Variants in ZNF660 observed in about 807,000 individuals in gnomAD.
ZNF660 encodes the protein zinc finger protein 660.
ZNF660 carries 24 observed loss-of-function variants against 23.2 expected under a neutral mutation model. That is an observed-to-expected ratio of 1.04 (90% CI 0.75 to 1.46). ZNF660 has a LOEUF of 1.46. Among genes scored for constraint, ZNF660 ranks in the 40% most tolerant of loss-of-function variants. ZNF660 has a pLI of 0.00. For synonymous variants in ZNF660, 117 were observed against 131.4 expected (o/e 0.89, Z 0.75); for missense variants, 373 against 396.8 (o/e 0.94, Z 0.51).
rs192714831 is a variant in ZNF660 at position 44,585,706 on chromosome 3, C to T, written c.-289-399C>T. On this transcript the variant is annotated intron_variant, in intron 1 of 2. Transcript: ENST00000322734. ...GTTTCTTTCTGTCTTCCTAAAGACA[C>T]TTGACTCAGCAAAGTTCTCCCTCTC... Among the ~76,000 whole-genome samples, 108 of 152,256 alleles carry T rather than the reference C, an allele frequency of 7.1e-4. 1 individual carries two copies. Among genetic ancestry groups the T allele is most frequent in the Non-Finnish European group, 1.3e-3 (90 of 68,010 alleles).
Position 44,595,899 on chromosome 3 carries a change from AGAC to A in ZNF660, c.*711_*713del. The A allele has an allele frequency of 6.0e-6, 1 of 167,208 alleles. No homozygotes were observed. The allele number at this position is 167,208 out of a possible 1,614,324, so 10.4% of individuals were successfully genotyped here. A position where few individuals can be genotyped will look rare whatever the true frequency, so the allele number is the denominator to read the frequency against. On this transcript the variant is annotated 3_prime_UTR_variant, in exon 3 of 3. Transcript: ENST00000322734. ...CGATCCTTTGTCCTTTTTAGTTTTA[AGAC>A]AAGCTGACTTTAGAGTTGTCAACAA...
In ZNF660 at chr3:44,594,008, T is replaced by C. The variant is rs1700523476; in HGVS notation, c.-180-6T>C. On this transcript the variant is annotated splice_polypyrimidine_tract_variant and splice_region_variant and intron_variant, in intron 2 of 2. Transcript: ENST00000322734. ...TGACATGTGCAATTTCTGTTTCTCC[T>C]GTCAGATGGTGAAACTGGGACTGAG... 1 of 750,168 alleles carries C rather than the reference T, an allele frequency of 1.3e-6. No homozygotes were observed. Among genetic ancestry groups the C allele is most frequent in the East Asian group, 2.8e-5 (1 of 35,798 alleles). 46.5% of individuals were successfully genotyped at this position (750,168 alleles called of 1,614,324 possible). A position where few individuals can be genotyped will look rare whatever the true frequency, so the allele number is the denominator to read the frequency against.
rs1480596005 is a variant in ZNF660, at chr3:44,598,835, A to G, written c.*3646A>G. The G allele has an allele frequency of 6.6e-6, 1 of 152,122 alleles. No individual in the cohort carries two copies. The highest frequency in any genetic ancestry group is 1.5e-5 in the Non-Finnish European group (1 of 68,084). 9.4% of individuals were successfully genotyped at this position (152,122 alleles called of 1,614,324 possible). ...TACTGCCATTTCTTCTCTCTTCTCC[A>G]TCAGAAACTTAGCTCTAATCAGTCA... On this transcript the variant is annotated 3_prime_UTR_variant, in exon 3 of 3. Coordinates refer to ENST00000322734, the MANE Select transcript of ZNF660 (RefSeq NM_173658.4).
At position 44,592,934 on chromosome 3, in the gene ZNF660, C is replaced by G. The variant is rs569643210; in HGVS notation, c.-180-1080C>G. On this transcript the variant is annotated intron_variant, in intron 2 of 2. Transcript: ENST00000322734. ...CAGGCGTGGTGGCGGGCGCCTGTAG[C>G]CCCAGCCACTCGGGAGGCTGAAGCA... Among the ~76,000 whole-genome samples, 959 of 152,054 alleles carry G rather than the reference C, an allele frequency of 6.3e-3. 5 individuals are homozygous for G. The highest frequency in any genetic ancestry group is 0.022 in the African/African-American group (924 of 41,460).
At chr3:44,589,672 G>A (rs1473684014) in intron 2 of ZNF660, among the ~76,000 whole-genome samples, 1 of 152,174 alleles carries the variant, frequency 6.6e-6, no homozygotes, top group Non-Finnish European at 1.5e-5. Flanking sequence ...GAAAATTAAG[G>A]ATAGATTTCA....
rs1191538295 is a variant in ZNF660, at chr3:44,594,896, G to C, written c.703G>C (p.Glu235Gln). 2 of 1,614,012 alleles carry C rather than the reference G, an allele frequency of 1.2e-6. No homozygotes were observed. The highest frequency in any genetic ancestry group is 1.7e-5 in the Admixed American group (1 of 60,022). The change falls in exon 3 of 3, where the codon GAA becomes CAA. Residue 235 changes from glutamate to glutamine, a missense_variant. Physicochemically the swap from Glu to Gln is conservative, Grantham distance 29. Coordinates refer to ENST00000322734, the MANE Select transcript of ZNF660 (RefSeq NM_173658.4). The part of the protein sequence containing the change: ...KTFILRKTLN[E>Q]HQRLHRREKP... ...TTTCATCTTAAGGAAAACTCTTAATGAACACCAGAGACTTCATCGTAGAGA... is the reference window on the plus strand; with the variant it reads ...TTTCATCTTAAGGAAAACTCTTAATCAACACCAGAGACTTCATCGTAGAGA...
Position 44,596,962 on chromosome 3 carries a change from A to G in ZNF660, c.*1773A>G, listed in dbSNP as rs1441946890. Reference sequence around the variant, plus strand: ...ACTCTGAAACACTTAGAATCTCCCTATTTTTAACTCAGCCATTCCTCTGTG... The same window carrying G: ...ACTCTGAAACACTTAGAATCTCCCTGTTTTTAACTCAGCCATTCCTCTGTG... On this transcript the variant is annotated 3_prime_UTR_variant, in exon 3 of 3. Transcript: ENST00000322734. 3 of 152,180 alleles carry G rather than the reference A, an allele frequency of 2.0e-5. No homozygotes were observed. The highest frequency in any genetic ancestry group is 1.3e-4 in the Admixed American group (2 of 15,272). 9.4% of individuals were successfully genotyped at this position (152,180 alleles called of 1,614,324 possible).
chr3:44,587,005 GTCAGATATA>G (rs1700245240), intron 2 of ZNF660: 1 of 152,148 alleles, frequency 6.6e-6, no homozygotes, highest in Non-Finnish European at 1.5e-5. Context: ...ATTTTTATGT[GTCAGATATA>G]TCAGCTTTTT....
rs1336840515 is a variant in ZNF660 at position 44,597,453 on chromosome 3, G to A, written c.*2264G>A. On this transcript the variant is annotated 3_prime_UTR_variant, in exon 3 of 3. Coordinates refer to ENST00000322734, the MANE Select transcript of ZNF660 (RefSeq NM_173658.4). This position sits in a 1 kb window ranked among gnomAD's most constrained non-coding sequence, Gnocchi z 4.1. ...AAGAAAGAAGTGAAGGGTGAAGGTT[G>A]TATATTTGTGTGAAAAAAAATTACT... 1 of 152,032 alleles carries A rather than the reference G, an allele frequency of 6.6e-6. No individual in the cohort carries two copies. The highest frequency in any genetic ancestry group is 1.9e-4 in the East Asian group (1 of 5,184). 9.4% of individuals were successfully genotyped at this position (152,032 alleles called of 1,614,324 possible).
At chr3:44,589,741 T>C (rs1012190856) in intron 2 of ZNF660, among the ~76,000 whole-genome samples, 3 of 152,226 alleles carry the variant, frequency 2.0e-5, no homozygotes, top group African/African-American at 7.2e-5. Flanking sequence ...ATTTTTCATC[T>C]TGTAATTTCA....
chr3:44,596,082 AAC>A lies in ZNF660; in HGVS notation c.*895_*896del, dbSNP rs1433135710. The A allele has an allele frequency of 6.0e-6, 1 of 166,658 alleles. No homozygotes were observed. 10.3% of individuals were successfully genotyped at this position (166,658 alleles called of 1,614,324 possible). ...CACAACCAGAAAAAAATGAAATTGA[AAC>A]AACTGTAGACTCAAAAACTTCAGAT... On this transcript the variant is annotated 3_prime_UTR_variant, in exon 3 of 3. Transcript: ENST00000322734.
rs372659715 is a variant in ZNF660, at chr3:44,594,494, A to G, written c.301A>G (p.Thr101Ala). The G allele has an allele frequency of 1.1e-5, 17 of 1,614,096 alleles. No individual in the cohort carries two copies. Among genetic ancestry groups the G allele is most frequent in the Non-Finnish European group, 1.4e-5 (17 of 1,180,038 alleles). ...CCTTGTTGTTCATCGGAGAATCCAC[A>G]CTGGACTGAAGCCCTATACATGCAG... is the stretch of plus-strand genomic sequence containing the variant. ...SNLVVHRRIH[T>A]GLKPYTCSEC... The change falls in exon 3 of 3, where the codon ACT (threonine) becomes GCT (alanine). Residue 101 changes from threonine (T) to alanine (A), a missense_variant. Physicochemically the swap from Thr to Ala is moderately conservative, Grantham distance 58 (BLOSUM62 0). Transcript: ENST00000322734.
Position 44,598,567 on chromosome 3 carries a change from A to G in ZNF660, c.*3378A>G, listed in dbSNP as rs971381500. Reference sequence around the variant, plus strand: ...CTGCAACCTCTGCCTCCTGGGTTCAAGCGATTCTCCTGTCTCAGCCTCCCA... The same window carrying G: ...CTGCAACCTCTGCCTCCTGGGTTCAGGCGATTCTCCTGTCTCAGCCTCCCA... On this transcript the variant is annotated 3_prime_UTR_variant, in exon 3 of 3. Transcript: ENST00000322734. The G allele has an allele frequency of 3.3e-5, 5 of 152,102 alleles. No homozygotes were observed. Among genetic ancestry groups the G allele is most frequent in the African/African-American group, 1.2e-4 (5 of 41,374 alleles). 9.4% of individuals were successfully genotyped at this position (152,102 alleles called of 1,614,324 possible).
intron 2 of ZNF660, among the ~76,000 whole-genome samples, chr3:44,588,088 C>T (rs1477680177): frequency 6.6e-6 from 1 of 152,128 alleles, no homozygotes; most frequent in African/African-American, 2.4e-5. Flanking sequence ...AAAGAAATAC[C>T]TGTGACTGGG....
intron 2 of ZNF660, 120 bp from the exon 3 acceptor site, chr3:44,593,894 G>A (rs1041753515): frequency 1.5e-5 from 7 of 466,876 alleles, no homozygotes; most frequent in Admixed American, 2.8e-5. Flanking sequence ...TTTTTGATCT[G>A]TTCCCCTGCC....
At position 44,597,818 on chromosome 3, in the gene ZNF660, G is replaced by A. The variant is rs573379892; in HGVS notation, c.*2629G>A. On this transcript the variant is annotated 3_prime_UTR_variant, in exon 3 of 3. Coordinates refer to ENST00000322734, the MANE Select transcript of ZNF660 (RefSeq NM_173658.4). This position sits in a 1 kb window ranked among gnomAD's most constrained non-coding sequence, Gnocchi z 4.1. ...TAACCAGAGAACTGAATATAGGAGA[G>A]CTTCATATTTCTTGCCCCAGGCAGG... 46 of 152,356 alleles carry A rather than the reference G, an allele frequency of 3.0e-4. No individual in the cohort carries two copies. The highest frequency in any genetic ancestry group is 1.0e-3 in the African/African-American group (42 of 41,584). The allele number at this position is 152,356 out of a possible 1,614,324, so 9.4% of individuals were successfully genotyped here. A position where few individuals can be genotyped will look rare whatever the true frequency, so the allele number is the denominator to read the frequency against.
In ZNF660 at chr3:44,588,310, AACTC is replaced by A. The variant is rs1700296753; in HGVS notation, c.-181+2101_-181+2104del. 2.6e-5 allele frequency among the ~76,000 whole-genome samples: 4 copies of A among 152,070 alleles called. No homozygotes were observed. In the South Asian group the frequency reaches 8.3e-4, roughly 31 times the overall value. Reference sequence around the variant, plus strand: ...CTTTTAAACAACATGATCTCACGAGAACTCACTATCACAAGGACAGAACCAAGAG... The same window carrying A: ...CTTTTAAACAACATGATCTCACGAGAACTATCACAAGGACAGAACCAAGAG... On this transcript the variant is annotated intron_variant, in intron 2 of 2. Transcript: ENST00000322734.
intron 2 of ZNF660, among the ~76,000 whole-genome samples, chr3:44,590,550 G>A (rs1471405460): frequency 6.6e-6 from 1 of 152,122 alleles, no homozygotes; most frequent in Admixed American, 6.6e-5. Context: ...CACATTGGGG[G>A]TTAGAGCTTT....
At chr3:44,588,503 T>G (rs557012825) in intron 2 of ZNF660, among the ~76,000 whole-genome samples, 1 of 152,112 alleles carries the variant, frequency 6.6e-6, no homozygotes, top group Admixed American at 6.6e-5. Context: ...AGCTTATCTG[T>G]TTTTTTATTT....
Sources: gnomAD v4.1 joint callset for allele counts (sites outside exome capture counted in the v4.1 genomes callset) on GRCh38, gnomAD v4.1.1 for gene constraint, Gnocchi (gnomAD v3.1) non-coding constraint, MANE v1.5 for transcripts, NCBI Gene and HGNC (gene_info 2026-07-23, HGNC 2026-07-21) for gene names.